The following TTN variants were observed in gnomAD, a reference collection of about 807,000 sequenced individuals.
The protein encoded by TTN is connectin.
Under a neutral mutation model 3,223.0 loss-of-function variants are expected in TTN, and 1,525 were observed. That is an observed-to-expected ratio of 0.47 (90% CI 0.45 to 0.49). TTN has a LOEUF of 0.49. TTN is among the 20% of genes least tolerant of loss of function. TTN has a pLI of 0.00. For missense variants in TTN, 40,786 were observed against 43,424.0 expected (o/e 0.94, Z 5.40); for synonymous variants, 14,094 against 15,161.0 (o/e 0.93, Z 5.17).
At chr2:178,737,986 T>C (rs1277748826) in intron 49 of TTN, 96 bp downstream of exon 49, 8 of 1,501,544 alleles carry the variant, frequency 5.3e-6, no homozygotes, top group East Asian at 4.6e-5. Context: ...GTCTCTCCAG[T>C]TGGTAATACA....
chr2:178,637,452 C>T lies in TTN; in HGVS notation c.40877-33G>A, dbSNP rs930835101. On this transcript the variant is annotated intron_variant, in intron 223 of 362. Transcript: ENST00000589042. ...AAAAATAAAACTCAGCATTTAAACA[C>T]TTTTCGGACTTATTTCATGTTTAAT... The T allele has an allele frequency of 3.6e-6, 5 of 1,377,508 alleles. No homozygotes were observed. In the African/African-American group the frequency reaches 6.0e-5, roughly 17 times the overall value. 85.3% of individuals were successfully genotyped at this position (1,377,508 alleles called of 1,614,324 possible).
intron 133 of TTN, among the ~76,000 whole-genome samples, chr2:178,683,540 A>G (rs1206155689): frequency 6.6e-6 from 1 of 152,118 alleles, no homozygotes; most frequent in Non-Finnish European, 1.5e-5. Context: ...AAAGACAACT[A>G]AACAGCATAA....
Position 178,795,331 on chromosome 2 carries a change from G to C in TTN, c.915-79C>G, listed in dbSNP as rs536819938. 40 of 1,394,388 alleles carry C rather than the reference G, an allele frequency of 2.9e-5. No individual in the cohort carries two copies. The African/African-American group carries it at 5.4e-4, about 19-fold the overall frequency. The allele number at this position is 1,394,388 out of a possible 1,614,324, so 86.4% of individuals were successfully genotyped here. A position where few individuals can be genotyped will look rare whatever the true frequency, so the allele number is the denominator to read the frequency against. Reference sequence around the variant, plus strand: ...ATGTGAATCATGAGATGAAAAGCTGGAAGTGCTTTAAGGCAGAGTTTTAAA... The same window carrying C: ...ATGTGAATCATGAGATGAAAAGCTGCAAGTGCTTTAAGGCAGAGTTTTAAA... On this transcript the variant is annotated intron_variant, in intron 6 of 362. Transcript: ENST00000589042.
intron 142 of TTN, 98 bp downstream of exon 142, chr2:178,679,241 G>T (rs1163279384): frequency 7.8e-7 from 1 of 1,279,954 alleles, no homozygotes; most frequent in East Asian, 2.3e-5. Context: ...CATTAATGTT[G>T]TTAATATTGT....
rs142336788 is a variant in TTN, at chr2:178,528,421, T to G, written c.107230A>C (p.Ile35744Leu). The change falls in exon 361 of 363, where the codon ATT becomes CTT. Residue 35744 changes from isoleucine (I) to leucine (L), a missense_variant. Physicochemically the swap from Ile to Leu is conservative, Grantham distance 5. Coordinates refer to ENST00000589042, the MANE Select transcript of TTN (RefSeq NM_001267550.2). ...CGGCTTATGCTGACATTTGAAGAAA[T>G]AGAAATCTAAGACAAAGGAAAAAGA... ...EWFKNNLPIS[I>L]SSNVSISRSR... is the part of the protein sequence containing the mutation. 1 of 1,612,654 alleles carries G rather than the reference T, an allele frequency of 6.2e-7. No homozygotes were observed. The highest frequency in any genetic ancestry group is 1.3e-5 in the African/African-American group (1 of 74,858).
chr2:178,598,952 A>G lies in TTN; in HGVS notation c.56758T>C (p.Trp18920Arg), dbSNP rs1425662810. 1 of 1,612,820 alleles carries G rather than the reference A, an allele frequency of 6.2e-7. No individual in the cohort carries two copies. The highest frequency in any genetic ancestry group is 8.5e-7 in the Non-Finnish European group (1 of 1,179,458). The change falls in exon 291 of 363, where the codon TGG becomes CGG. Residue 18920 changes from tryptophan (W) to arginine (R), a missense_variant. Coordinates refer to ENST00000589042, the MANE Select transcript of TTN (RefSeq NM_001267550.2). ...GAAGTGGTGTCTTTCATTTCCAGCC[A>G]GTACCCTGTCACAGGAGAGCCTCCA... Reference protein sequence around the residue: ...YDGGSPVTGYWLEMKDTTSKR... With the variant: ...YDGGSPVTGYRLEMKDTTSKR...
Position 178,551,897 on chromosome 2 carries a change from T to C in TTN, c.91003A>G (p.Asn30335Asp), listed in dbSNP as rs1199061926. 1 of 1,613,814 alleles carries C rather than the reference T, an allele frequency of 6.2e-7. No homozygotes were observed. The change falls in exon 335 of 363, where the codon AAT becomes GAT. Residue 30335 changes from asparagine to aspartate, a missense_variant. By Grantham distance (23) the Asn-to-Asp change is conservative (BLOSUM62 1). Coordinates refer to ENST00000589042, the MANE Select transcript of TTN (RefSeq NM_001267550.2). ...AGTGACATGCCATCAGAAGTCACAT[T>C]GTATATAACTGGCTTTCCTGGGGGA... ...PGPPGKPVIY[N>D]VTSDGMSLTW...
intron 47 of TTN, chr2:178,751,380 C>T: frequency 6.2e-7 from 1 of 1,606,488 alleles, no homozygotes; most frequent in Non-Finnish European, 8.5e-7. Context: ...AAATATTCTT[C>T]ATCATACATG....
chr2:178,777,306 G>A lies in TTN; in HGVS notation c.4657C>T (p.Gln1553Ter). ...VILTVEAVEH[Q>*]VKPMFVEKLK... ...TTTTCTACAAACATCGGTTTTACCT[G>A]ATGTTCCACAGCTGAAAGAGAAAGG... The change falls in exon 27 of 363, where the codon CAG (glutamine) becomes TAG (stop). Residue 1553 changes from glutamine to a stop codon, truncating the protein, a stop_gained. Transcript: ENST00000589042. LOFTEE classifies it high-confidence loss of function. 1 of 1,613,832 alleles carries A rather than the reference G, an allele frequency of 6.2e-7. No homozygotes were observed. The highest frequency in any genetic ancestry group is 8.5e-7 in the Non-Finnish European group (1 of 1,179,952).
rs772916996 is a variant in TTN, at chr2:178,536,297, G to T, written c.100450C>A (p.Pro33484Thr). 1 of 1,613,504 alleles carries T rather than the reference G, an allele frequency of 6.2e-7. No homozygotes were observed. Among genetic ancestry groups the T allele is most frequent in the African/African-American group, 1.3e-5 (1 of 74,898 alleles). The part of the protein sequence containing the change: ...GESEWSEISE[P>T]ITPKSDVPIQ... Reference sequence around the variant, plus strand: ...GGGACATCAGATTTGGGAGTGATGGGTTCTGATATTTCACTCCATTCACTT... The same window carrying T: ...GGGACATCAGATTTGGGAGTGATGGTTTCTGATATTTCACTCCATTCACTT... Residue 33484 changes from proline (P) to threonine (T), a missense_variant, in exon 357 of 363, where the codon CCC becomes ACC. Coordinates refer to ENST00000589042, the MANE Select transcript of TTN (RefSeq NM_001267550.2).
intron 24 of TTN, chr2:178,778,262 G>A (rs764013922): frequency 2.8e-5 from 11 of 394,410 alleles, no homozygotes; most frequent in Non-Finnish European, 5.1e-5. Flanking sequence ...CTTACCACTT[G>A]GATTTAATCA....
Position 178,721,211 on chromosome 2 carries a change from C to T in TTN, c.22817-9G>A, listed in dbSNP as rs1396585490. Reference sequence around the variant, plus strand: ...AACAAACTTTGGAGGTTCTAGTAAACCAAACAAAACAGTCAGTAAGGGATA... The same window carrying T: ...AACAAACTTTGGAGGTTCTAGTAAATCAAACAAAACAGTCAGTAAGGGATA... On this transcript the variant is annotated splice_polypyrimidine_tract_variant and intron_variant, in intron 78 of 362. Transcript: ENST00000589042. 8 of 1,571,450 alleles carry T rather than the reference C, an allele frequency of 5.1e-6. No individual in the cohort carries two copies. The highest frequency in any genetic ancestry group is 1.8e-5 in the Admixed American group (1 of 55,532).
Position 178,553,804 on chromosome 2 carries a change from G to A in TTN, c.89201C>T (p.Pro29734Leu), listed in dbSNP as rs759858087. 1.1e-5 allele frequency: 17 copies of A among 1,587,404 alleles called. No individual in the cohort carries two copies. Among genetic ancestry groups the A allele is most frequent in the Admixed American group, 3.5e-5 (2 of 57,400 alleles). ...TCTTATCTTAGCAGGTGGACCTGGA[G>A]GATCTGGAATGGCCATTCACAATAA... ...EFYKAADPID[P>L]PGPPAKIRIA... Residue 29734 changes from proline to leucine, a missense_variant, in exon 334 of 363, where the codon CCT becomes CTT. Coordinates refer to ENST00000589042, the MANE Select transcript of TTN (RefSeq NM_001267550.2).
chr2:178,647,425 A>C lies in TTN; in HGVS notation c.40097T>G (p.Val13366Gly). Reference protein sequence around the residue: ...VPEKIIPEKEVSVPIPAEPEV... With the variant: ...VPEKIIPEKEGSVPIPAEPEV... ...TGGCTCTGCAGGGATAGGCACAGACACTTCCTTTTCTGGGATGATTTTCTC... is the reference window on the plus strand; with the variant it reads ...TGGCTCTGCAGGGATAGGCACAGACCCTTCCTTTTCTGGGATGATTTTCTC... Residue 13366 changes from valine to glycine, a missense_variant, in exon 214 of 363, where the codon GTG (valine) becomes GGG (glycine). Physicochemically the swap from Val to Gly is moderately radical, Grantham distance 109 (BLOSUM62 -3). Coordinates refer to ENST00000589042, the MANE Select transcript of TTN (RefSeq NM_001267550.2). 6.5e-7 allele frequency: 1 copy of C among 1,549,734 alleles called. No homozygotes were observed. The highest frequency in any genetic ancestry group is 8.7e-7 in the Non-Finnish European group (1 of 1,146,458).
intron 346 of TTN, 61 bp from the exon 347 acceptor site, chr2:178,543,723 G>A (rs1367536190): frequency 2.2e-5 from 34 of 1,516,736 alleles, no homozygotes; most frequent in Non-Finnish European, 2.2e-5. Context: ...TTTTTCTTGG[G>A]GAAATATAAT....
At position 178,723,222 on chromosome 2, in the gene TTN, G is replaced by C. The variant is rs200954184; in HGVS notation, c.21785C>G (p.Thr7262Ser). 63 of 1,613,254 alleles carry C rather than the reference G, an allele frequency of 3.9e-5. No individual in the cohort carries two copies. The highest frequency in any genetic ancestry group is 5.3e-5 in the Non-Finnish European group (62 of 1,179,590). ...TATGTTAAAACCATCCTTTTTCCAA[G>C]TGACAGAAATTGGAAGTGTTCCAGT... ...TYTGTLPISV[T>S]WKKDGFNITT... is the part of the protein sequence containing the mutation. The change falls in exon 75 of 363, where the codon ACT becomes AGT. Residue 7262 changes from threonine (T) to serine (S), a missense_variant. Coordinates refer to ENST00000589042, the MANE Select transcript of TTN (RefSeq NM_001267550.2).
Position 178,723,107 on chromosome 2 carries a change from A to G in TTN, c.21900T>C (p.Tyr7300=), listed in dbSNP as rs1430630528. The part of the protein sequence containing the change: ...LNSTKRDAGQ[Y]SCEIENEAGR... ...CTGCCTCATTTTCAATCTCGCAGGA[A>G]TACTGCCCTGCATCTCTTTTTGTGC... Residue 7300 remains tyrosine, a synonymous_variant, in exon 75 of 363, where the codon TAT becomes TAC. Transcript: ENST00000589042. 3.7e-6 allele frequency: 6 copies of G among 1,613,516 alleles called. No homozygotes were observed. In the Admixed American group the frequency reaches 5.0e-5, roughly 13 times the overall value.
At chr2:178,665,681 A>G (rs761002706) in intron 164 of TTN, 27 bp downstream of exon 164, 2 of 1,312,622 alleles carry the variant, frequency 1.5e-6, no homozygotes, top group Non-Finnish European at 2.0e-6. Flanking sequence ...TAATAAATGA[A>G]GGAAGGAATG....
chr2:178,624,290 T>A lies in TTN; in HGVS notation c.44815+175A>T, dbSNP rs149450173. Among the ~76,000 whole-genome samples the A allele has an allele frequency of 1.5e-3, 223 of 152,096 alleles. 2 individuals carry two copies. The highest frequency in any genetic ancestry group is 3.9e-3 in the East Asian group (20 of 5,122). ...CAGACCAGACATAGAATAAGACTTT[T>A]CTTTTCTTTTTTTCTTTAAACACAT... On this transcript the variant is annotated intron_variant, in intron 242 of 362. Coordinates refer to ENST00000589042, the MANE Select transcript of TTN (RefSeq NM_001267550.2).
Sources: gnomAD v4.1 joint callset for allele counts (sites outside exome capture counted in the v4.1 genomes callset) on GRCh38, gnomAD v4.1.1 for gene constraint, MANE v1.5 for transcripts, NCBI Gene and HGNC (gene_info 2026-07-23, HGNC 2026-07-21) for gene names.